Variants in ADAMTS12 observed in about 807,000 individuals in gnomAD.
ADAMTS12 encodes the protein ADAM metallopeptidase with thrombospondin type 1 motif 12, also known as A disintegrin and metalloproteinase with thrombospondin motifs 12.
Under a neutral mutation model 167.8 loss-of-function variants are expected in ADAMTS12, and 118 were observed. The observed-to-expected ratio is 0.70, with a 90% CI of 0.61 to 0.82. ADAMTS12 has a LOEUF of 0.82. Among genes scored for constraint, ADAMTS12 ranks in the 40% least tolerant of loss-of-function variants. The pLI, the probability that ADAMTS12 is intolerant of heterozygous loss-of-function variation, is 0.00. For synonymous variants in ADAMTS12, 704 were observed against 716.9 expected, an observed-to-expected ratio of 0.98 and a Z score of 0.29; for missense variants, 1,916 against 1,998.8, an observed-to-expected ratio of 0.96 and a Z score of 0.79.
At chr5:33,675,596 T>C (rs977537197) in intron 5 of ADAMTS12, among the ~76,000 whole-genome samples, 13 of 152,202 alleles carry the variant, frequency 8.5e-5, no homozygotes, top group African/African-American at 3.1e-4. Flanking sequence ...ATTGAGTTGA[T>C]GATTACCTAC....
intron 3 of ADAMTS12, among the ~76,000 whole-genome samples, chr5:33,685,976 G>A (rs532057267): frequency 2.1e-4 from 32 of 152,262 alleles, no homozygotes; most frequent in African/African-American, 7.0e-4. Context: ...TTAAGCCCAC[G>A]TGGGCTGGTG....
intron 2 of ADAMTS12, among the ~76,000 whole-genome samples, chr5:33,872,403 C>T (rs761561543): frequency 2.6e-5 from 4 of 151,898 alleles, no homozygotes; most frequent in Non-Finnish European, 4.4e-5. Context: ...AAAAATTAGC[C>T]GGGTATGGTG....
intron 20 of ADAMTS12, among the ~76,000 whole-genome samples, chr5:33,551,269 T>G (rs1745245603): frequency 6.6e-6 from 1 of 152,172 alleles, no homozygotes; most frequent in Non-Finnish European, 1.5e-5. Context: ...TTGGTCTGTA[T>G]TTTGGAAACA....
chr5:33,659,935 AG>A (rs1442966216), intron 6 of ADAMTS12, among the ~76,000 whole-genome samples: 2 of 152,276 alleles, frequency 1.3e-5, no homozygotes, highest in East Asian at 1.9e-4. Flanking sequence ...CCCCCTCCTA[AG>A]GGACATTTGG....
intron 2 of ADAMTS12, among the ~76,000 whole-genome samples, chr5:33,859,040 C>T (rs1579998463): frequency 6.6e-6 from 1 of 152,214 alleles, no homozygotes; most frequent in South Asian, 2.1e-4. Context: ...CCTCAGGTGC[C>T]TATGCCACCA....
At chr5:33,609,330 A>G (rs904967062) in intron 16 of ADAMTS12, among the ~76,000 whole-genome samples, 1 of 152,014 alleles carries the variant, frequency 6.6e-6, no homozygotes, top group Non-Finnish European at 1.5e-5. Context: ...CAAACTTTAA[A>G]GGGAAAACAC....
chr5:33,619,378 T>G (rs1739193791), intron 14 of ADAMTS12, among the ~76,000 whole-genome samples: 1 of 152,218 alleles, frequency 6.6e-6, no homozygotes, highest in African/African-American at 2.4e-5. Context: ...TCTTCTTTAC[T>G]AGTAAAAGTC....
At chr5:33,656,753 C>T (rs544486802) in intron 7 of ADAMTS12, among the ~76,000 whole-genome samples, 1 of 152,282 alleles carries the variant, frequency 6.6e-6, no homozygotes, top group East Asian at 1.9e-4. Flanking sequence ...CCATGTCCTT[C>T]CACATTTCAG....
chr5:33,576,545 C>G lies in ADAMTS12; in HGVS notation c.3481G>C (p.Glu1161Gln). Reference protein sequence around the residue: ...PEMEIHSGSGEEREQPEDKDE... With the variant: ...PEMEIHSGSGQEREQPEDKDE... ...TTGTCCTCAGGCTGTTCTCTTTCTT[C>G]CCCTGAGCCACTGTGAATCTCCATT... Residue 1161 changes from glutamate (E) to glutamine (Q), a missense_variant, in exon 19 of 24, where the codon GAA (glutamate) becomes CAA (glutamine). Coordinates refer to ENST00000504830, the MANE Select transcript of ADAMTS12 (RefSeq NM_030955.4). 3 of 1,613,784 alleles carry G rather than the reference C, an allele frequency of 1.9e-6. No individual in the cohort carries two copies. Among genetic ancestry groups the G allele is most frequent in the Non-Finnish European group, 2.5e-6 (3 of 1,179,808 alleles).
chr5:33,677,399 C>G (rs1741951935), intron 5 of ADAMTS12, among the ~76,000 whole-genome samples: 1 of 152,088 alleles, frequency 6.6e-6, no homozygotes, highest in East Asian at 1.9e-4. Context: ...GAGACACAGA[C>G]AAGTTAAACA....
chr5:33,857,768 T>C (rs1283237806), intron 2 of ADAMTS12, among the ~76,000 whole-genome samples: 2 of 152,208 alleles, frequency 1.3e-5, no homozygotes, highest in East Asian at 1.9e-4. Context: ...ATAAACATTA[T>C]ACAATGATAA....
chr5:33,766,261 T>G (rs566641040), intron 2 of ADAMTS12, among the ~76,000 whole-genome samples: 1 of 152,310 alleles, frequency 6.6e-6, no homozygotes, highest in South Asian at 2.1e-4. Flanking sequence ...ACATGTGCCC[T>G]AGATATGACA....
chr5:33,797,529 T>C (rs1157960859), intron 2 of ADAMTS12, among the ~76,000 whole-genome samples: 1 of 151,952 alleles, frequency 6.6e-6, no homozygotes, highest in African/African-American at 2.4e-5. Flanking sequence ...GAGTTGACCA[T>C]GGCTGAGCGC....
At chr5:33,553,162 G>A (rs1460901353) in intron 20 of ADAMTS12, among the ~76,000 whole-genome samples, 1 of 152,126 alleles carries the variant, frequency 6.6e-6, no homozygotes, top group African/African-American at 2.4e-5. Flanking sequence ...AAACCACAAT[G>A]AGATACCATT....
intron 1 of ADAMTS12, among the ~76,000 whole-genome samples, chr5:33,889,600 T>C (rs898229178): frequency 4.7e-4 from 72 of 152,346 alleles, no homozygotes; most frequent in African/African-American, 1.7e-3. Flanking sequence ...TTGCACCAAA[T>C]GTGGATTATT....
chr5:33,587,767 G>A (rs368920690), intron 18 of ADAMTS12, among the ~76,000 whole-genome samples: 7 of 152,248 alleles, frequency 4.6e-5, no homozygotes, highest in African/African-American at 7.2e-5. Context: ...GGAAGCATAC[G>A]GCTTCTCAAG....
rs538066184 is a variant in ADAMTS12 at position 33,552,533 on chromosome 5, G to A, written c.4126-3150C>T. 6.1e-4 allele frequency among the ~76,000 whole-genome samples: 93 copies of A among 152,254 alleles called. 1 individual carries two copies. Among genetic ancestry groups the A allele is most frequent in the African/African-American group, 2.2e-3 (91 of 41,550 alleles). On this transcript the variant is annotated intron_variant, in intron 20 of 23. Transcript: ENST00000504830. ...TACATCAAATACTAAATTGGGATAC[G>A]GAAGGAATTCCTTTCCAGCCTTTTC...
chr5:33,777,970 G>A (rs1745975919), intron 2 of ADAMTS12, among the ~76,000 whole-genome samples: 1 of 151,536 alleles, frequency 6.6e-6, no homozygotes, highest in Admixed American at 6.6e-5. Flanking sequence ...TTTAATCAGA[G>A]GTAAAAGATA....
intron 20 of ADAMTS12, among the ~76,000 whole-genome samples, chr5:33,556,891 G>A (rs953598336): frequency 6.6e-6 from 1 of 152,238 alleles, no homozygotes; most frequent in Non-Finnish European, 1.5e-5. Context: ...AGCTGCTGAT[G>A]AGAGTTGCTG....
Sources: gnomAD v4.1 joint callset for allele counts (sites outside exome capture counted in the v4.1 genomes callset) on GRCh38, gnomAD v4.1.1 for gene constraint, MANE v1.5 for transcripts, NCBI Gene and HGNC (gene_info 2026-07-23, HGNC 2026-07-21) for gene names.